The following SRGAP1 variants were observed in gnomAD, a reference collection of about 807,000 sequenced individuals.
SRGAP1 encodes SLIT-ROBO Rho GTPase-activating protein 1.
A neutral mutation model predicts 121.9 loss-of-function variants in SRGAP1; 43 were observed. The ratio of observed to expected loss-of-function variants is 0.35; its 90% CI spans 0.28 to 0.46. SRGAP1 has a LOEUF of 0.46. Among genes scored for constraint, SRGAP1 ranks in the 20% least tolerant of loss-of-function variants. SRGAP1 has a pLI of 1.00. For missense variants in SRGAP1, 1,102 were observed against 1,350.9 expected (o/e 0.82, Z 2.89); for synonymous variants, 447 against 485.4 (o/e 0.92, Z 1.04).
At position 63,908,156 on chromosome 12, in the gene SRGAP1, T is replaced by A. The variant is rs79151776; in HGVS notation, c.67+63273T>A. On this transcript the variant is annotated intron_variant, in intron 1 of 21. Coordinates refer to ENST00000355086, the MANE Select transcript of SRGAP1 (RefSeq NM_020762.4). Reference sequence around the variant, plus strand: ...TGAAATGTGAGTCCTTTAACTTTGTTCTTTTCAAGATTTTTTTTTTTTGCT... The same window carrying A: ...TGAAATGTGAGTCCTTTAACTTTGTACTTTTCAAGATTTTTTTTTTTTGCT... Among the ~76,000 whole-genome samples the A allele has an allele frequency of 4.3e-3, 651 of 152,258 alleles. 8 individuals are homozygous for A. The highest frequency in any genetic ancestry group is 0.015 in the African/African-American group (623 of 41,540).
At chr12:64,129,729 C>G (rs975830442) in intron 21 of SRGAP1, among the ~76,000 whole-genome samples, 1 of 152,128 alleles carries the variant, frequency 6.6e-6, no homozygotes, top group Non-Finnish European at 1.5e-5. Context: ...ATAAAGTTAA[C>G]AATACTTAAA....
At chr12:64,025,821 A>G (rs2034641778) in intron 4 of SRGAP1, among the ~76,000 whole-genome samples, 1 of 152,184 alleles carries the variant, frequency 6.6e-6, no homozygotes, top group African/African-American at 2.4e-5. Flanking sequence ...GCCTTGACGC[A>G]CACTGACTTT....
At chr12:64,129,821 T>C (rs789742) in intron 21 of SRGAP1, among the ~76,000 whole-genome samples, 1,574 of 152,324 alleles carry the variant, frequency 0.01, 31 homozygotes, top group African/African-American at 0.036. Context: ...CTAGTACAAG[T>C]GTATACATGC....
At chr12:63,933,641 AC>A (rs1403431769) in intron 1 of SRGAP1, among the ~76,000 whole-genome samples, 1 of 152,222 alleles carries the variant, frequency 6.6e-6, no homozygotes, top group Non-Finnish European at 1.5e-5. Flanking sequence ...ACATTTTGGG[AC>A]TATTTTAAAG....
rs576959517 is a variant in SRGAP1, at chr12:64,043,690, A to G, written c.801+115A>G. The G allele has an allele frequency of 3.0e-5, 22 of 736,490 alleles. No homozygotes were observed. The South Asian group carries it at 5.1e-4, about 17-fold the overall frequency. 45.6% of individuals were successfully genotyped at this position (736,490 alleles called of 1,614,324 possible). A position where few individuals can be genotyped will look rare whatever the true frequency, so the allele number is the denominator to read the frequency against. The stretch of plus-strand genomic sequence containing the variant: ...AGACTGTTATTTTACGTAATACTCA[A>G]AAAGAAAAAAATACTTTTATTTAAA... On this transcript the variant is annotated intron_variant, in intron 6 of 21. Coordinates refer to ENST00000355086, the MANE Select transcript of SRGAP1 (RefSeq NM_020762.4).
At chr12:63,979,038 CTTTTTTTTTTTTTT>C (rs34235730) in intron 1 of SRGAP1, among the ~76,000 whole-genome samples, 4 of 82,116 alleles carry the variant, frequency 4.9e-5, no homozygotes, top group Non-Finnish European at 8.7e-5. Context: ...ACCCTTTGAC[CTTTTTTTTTTTTTT>C]TTTTTTTTTT....
chr12:63,979,043 T>TA (rs1420683080), intron 1 of SRGAP1, among the ~76,000 whole-genome samples: 2 of 140,742 alleles, frequency 1.4e-5, no homozygotes, highest in East Asian at 4.1e-4. Context: ...TTGACCTTTT[T>TA]TTTTTTTTTT....
intron 6 of SRGAP1, 175 bp downstream of exon 6, chr12:64,043,750 A>G: frequency 2.1e-6 from 1 of 476,290 alleles, no homozygotes; most frequent in Non-Finnish European, 3.6e-6. Context: ...CATCTGTAAG[A>G]TGCATGTGAA....
chr12:63,931,066 C>T (rs1268489805), intron 1 of SRGAP1, among the ~76,000 whole-genome samples: 2 of 152,100 alleles, frequency 1.3e-5, no homozygotes, highest in Admixed American at 1.3e-4. Context: ...AATCCAGTCA[C>T]GTAAAGGGAA....
At chr12:64,101,643 G>A (rs2036257024) in intron 15 of SRGAP1, among the ~76,000 whole-genome samples, 1 of 152,026 alleles carries the variant, frequency 6.6e-6, no homozygotes, top group South Asian at 2.1e-4. Context: ...CATCCACTTT[G>A]TGAGTGGTTT....
Position 63,983,240 on chromosome 12 carries a change from T to C in SRGAP1, c.68-707T>C, listed in dbSNP as rs2033299035. 4 of 152,300 alleles carry C rather than the reference T, an allele frequency of 2.6e-5. No individual in the cohort carries two copies. The East Asian group carries it at 5.8e-4, about 22-fold the overall frequency. The allele number at this position is 152,300 out of a possible 1,614,324, so 9.4% of individuals were successfully genotyped here. A position where few individuals can be genotyped will look rare whatever the true frequency, so the allele number is the denominator to read the frequency against. ...GGCAAATGTGTAATGGTTCAGAGCC[T>C]GGAAGAAATGATGCTTATTTCTTTG... On this transcript the variant is annotated intron_variant, in intron 1 of 21. Coordinates refer to ENST00000355086, the MANE Select transcript of SRGAP1 (RefSeq NM_020762.4).
chr12:64,053,749 C>G (rs2035284169), intron 6 of SRGAP1, among the ~76,000 whole-genome samples: 1 of 151,732 alleles, frequency 6.6e-6, no homozygotes, highest in Non-Finnish European at 1.5e-5. Context: ...ATTATTATCC[C>G]CAATATTAAG....
At chr12:64,047,753 G>T (rs28366579) in intron 6 of SRGAP1, among the ~76,000 whole-genome samples, 2 of 151,630 alleles carry the variant, frequency 1.3e-5, no homozygotes, top group African/African-American at 4.8e-5. Flanking sequence ...TAAATTTTCC[G>T]TAGAAACTAT....
intron 4 of SRGAP1, among the ~76,000 whole-genome samples, chr12:64,020,843 CA>C (rs34144761): frequency 0.027 from 1,921 of 70,018 alleles, 15 homozygotes; most frequent in African/African-American, 0.071. Context: ...GACTCCGTCT[CA>C]AAAAAAAAAA....
At chr12:64,085,971 AT>A (rs2035929550) in intron 10 of SRGAP1, among the ~76,000 whole-genome samples, 1 of 152,156 alleles carries the variant, frequency 6.6e-6, no homozygotes, top group Non-Finnish European at 1.5e-5. Context: ...CCTTTATGTT[AT>A]TTGTTATTCA....
At chr12:63,847,602 C>T (rs1193005373) in intron 1 of SRGAP1, among the ~76,000 whole-genome samples, 2 of 151,980 alleles carry the variant, frequency 1.3e-5, no homozygotes, top group Admixed American at 6.6e-5. Flanking sequence ...AAAAATTAGC[C>T]GGACATGGTG....
Position 64,147,424 on chromosome 12 carries a change from C to T in SRGAP1, c.*4752C>T, listed in dbSNP as rs1033856192. 5.0e-6 allele frequency: 2 copies of T among 396,906 alleles called. No homozygotes were observed. Among genetic ancestry groups the T allele is most frequent in the Non-Finnish European group, 8.9e-6 (2 of 225,794 alleles). The allele number at this position is 396,906 out of a possible 1,614,324, so 24.6% of individuals were successfully genotyped here. A position where few individuals can be genotyped will look rare whatever the true frequency, so the allele number is the denominator to read the frequency against. ...GTTTCGAAGCTTCCTCCCTGTCCCC[C>T]ACCTTCCCCATCCCCGCCTTCCTGT... is the stretch of plus-strand genomic sequence containing the variant. On this transcript the variant is annotated 3_prime_UTR_variant, in exon 22 of 22. Coordinates refer to ENST00000355086, the MANE Select transcript of SRGAP1 (RefSeq NM_020762.4).
In SRGAP1 at chr12:64,159,507, T is replaced by C. The variant is rs1350035038; in HGVS notation, c.*16835T>C. ...AACAAACAGTAGCTGGTTGTGGTGG[T>C]GTGTGACTGTGATCCCAGCTACTTG... On this transcript the variant is annotated 3_prime_UTR_variant, in exon 22 of 22. Transcript: ENST00000355086. 1 of 154,416 alleles carries C rather than the reference T, an allele frequency of 6.5e-6. No homozygotes were observed. Among genetic ancestry groups the C allele is most frequent in the Non-Finnish European group, 1.4e-5 (1 of 69,992 alleles). The allele number at this position is 154,416 out of a possible 1,614,324, so 9.6% of individuals were successfully genotyped here.
At chr12:63,897,848 A>AT (rs1039610393) in intron 1 of SRGAP1, among the ~76,000 whole-genome samples, 8 of 152,008 alleles carry the variant, frequency 5.3e-5, no homozygotes, top group Admixed American at 6.6e-5. Context: ...AGGGAGATAG[A>AT]TTTTTTTCTT....
Sources: gnomAD v4.1 joint callset for allele counts (sites outside exome capture counted in the v4.1 genomes callset) on GRCh38, gnomAD v4.1.1 for gene constraint, MANE v1.5 for transcripts, NCBI Gene and HGNC (gene_info 2026-07-23, HGNC 2026-07-21) for gene names.